Variants in DAPL1 observed in about 807,000 individuals in gnomAD.
DAPL1 encodes death-associated protein-like 1.
In DAPL1, 17 loss-of-function variants were observed where a neutral mutation model predicts 12.9. The observed-to-expected ratio is 1.32, with a 90% CI of 0.90 to 1.98. The LOEUF (loss-of-function observed/expected upper bound fraction) is 1.98, where lower values mean the gene tolerates loss of function less well. Among genes scored for constraint, DAPL1 ranks in the 30% most tolerant of loss-of-function variants. DAPL1 has a pLI of 0.00. For missense variants in DAPL1, 157 were observed against 125.7 expected (o/e 1.25, Z -1.19); for synonymous variants, 51 against 42.0 (o/e 1.21, Z -0.82).
Position 158,800,176 on chromosome 2 carries a change from TATA to T in DAPL1, c.59-4101_59-4099del, listed in dbSNP as rs753202631. ...AGAGGTAGATGAAAAGAGTTGAAAT[TATA>T]ATAAGGACTTTATAATAAACATAAT... On this transcript the variant is annotated intron_variant, in intron 1 of 3. Transcript: ENST00000309950. Among the ~76,000 whole-genome samples the T allele has an allele frequency of 7.9e-5, 12 of 152,286 alleles. No individual in the cohort carries two copies. The East Asian group carries it at 2.3e-3, about 29-fold the overall frequency.
intron 1 of DAPL1, 123 bp downstream of exon 1, chr2:158,795,553 T>C: frequency 1.1e-6 from 1 of 901,620 alleles, no homozygotes. Context: ...TTTAACTCCA[T>C]GCAGCCTGAC....
chr2:158,808,404 G>A (rs1323726205), intron 3 of DAPL1, among the ~76,000 whole-genome samples: 2 of 152,306 alleles, frequency 1.3e-5, no homozygotes, highest in Admixed American at 6.5e-5. Context: ...GAGACAATGA[G>A]CTCACATACA....
intron 1 of DAPL1, among the ~76,000 whole-genome samples, chr2:158,799,793 A>G (rs533843902): frequency 5.3e-4 from 80 of 152,286 alleles, no homozygotes; most frequent in African/African-American, 1.9e-3. Context: ...CAGCCCTATG[A>G]CAGAGACGAT....
At chr2:158,804,903 A>G (rs2059191960) in intron 2 of DAPL1, among the ~76,000 whole-genome samples, 1 of 152,210 alleles carries the variant, frequency 6.6e-6, no homozygotes, top group Non-Finnish European at 1.5e-5. Flanking sequence ...CCACCATAAC[A>G]TTGACGCCTG....
chr2:158,797,927 C>T (rs535081957), intron 1 of DAPL1, among the ~76,000 whole-genome samples: 3 of 152,290 alleles, frequency 2.0e-5, no homozygotes, highest in South Asian at 4.1e-4. Flanking sequence ...TACATTTATG[C>T]TGTGAAATGA....
At chr2:158,797,511 G>T (rs1158739724) in intron 1 of DAPL1, among the ~76,000 whole-genome samples, 3 of 152,188 alleles carry the variant, frequency 2.0e-5, no homozygotes, top group African/African-American at 7.2e-5. Context: ...AAATCACTCA[G>T]CTGGGTACAG....
Position 158,815,771 on chromosome 2 carries a change from G to A in DAPL1, c.274G>A (p.Val92Ile), listed in dbSNP as rs758941180. ...AAAACCCACACCTGCTCTGGAAAAG[G>A]TTGTTCCACTGAAAAGGATCTACAT... is the stretch of plus-strand genomic sequence containing the variant. ...HQKPTPALEK[V>I]VPLKRIYIIQ... Residue 92 changes from valine (V) to isoleucine (I), a missense_variant, in exon 4 of 4, where the codon GTT becomes ATT. Coordinates refer to ENST00000309950, the MANE Select transcript of DAPL1 (RefSeq NM_001017920.3). 6.2e-7 allele frequency: 1 copy of A among 1,614,076 alleles called. No homozygotes were observed. The highest frequency in any genetic ancestry group is 2.2e-5 in the East Asian group (1 of 44,890).
intron 1 of DAPL1, among the ~76,000 whole-genome samples, chr2:158,798,795 A>G (rs2059149592): frequency 6.6e-6 from 1 of 152,098 alleles, no homozygotes. Context: ...TTAACTGTGA[A>G]TGCAAAGTGA....
At chr2:158,807,006 G>C in intron 2 of DAPL1, 49 bp from the exon 3 acceptor site, 1 of 1,483,322 alleles carries the variant, frequency 6.7e-7, no homozygotes, top group Non-Finnish European at 9.4e-7. Context: ...GGCCTTTTCA[G>C]TGGGAAAATT....
intron 1 of DAPL1, among the ~76,000 whole-genome samples, chr2:158,801,747 A>G (rs893851772): frequency 4.6e-5 from 7 of 152,312 alleles, no homozygotes; most frequent in South Asian, 4.1e-4. Context: ...TCTTAGTGAT[A>G]CAAAACCCAT....
At chr2:158,808,116 T>A (rs1053188493) in intron 3 of DAPL1, among the ~76,000 whole-genome samples, 1 of 152,210 alleles carries the variant, frequency 6.6e-6, no homozygotes. Context: ...CAAGGTAATA[T>A]AGAGCCACTC....
Position 158,803,231 on chromosome 2 carries a change from G to T in DAPL1, c.59-1051G>T, listed in dbSNP as rs568457210. Among the ~76,000 whole-genome samples, 6 of 152,294 alleles carry T rather than the reference G, an allele frequency of 3.9e-5. No homozygotes were observed. In the South Asian group the frequency reaches 1.2e-3, roughly 32 times the overall value. Reference sequence around the variant, plus strand: ...TCTAGGAAGTTGGAAAATAATTGTAGGAGGGAGACTGCAGACCTTTTTATG... The same window carrying T: ...TCTAGGAAGTTGGAAAATAATTGTATGAGGGAGACTGCAGACCTTTTTATG... On this transcript the variant is annotated intron_variant, in intron 1 of 3. Coordinates refer to ENST00000309950, the MANE Select transcript of DAPL1 (RefSeq NM_001017920.3).
Position 158,804,216 on chromosome 2 carries a change from C to G in DAPL1, c.59-66C>G. 5.6e-6 allele frequency: 6 copies of G among 1,078,790 alleles called. No individual in the cohort carries two copies. The South Asian group carries it at 9.4e-5, about 17-fold the overall frequency. The allele number at this position is 1,078,790 out of a possible 1,614,324, so 66.8% of individuals were successfully genotyped here. A position where few individuals can be genotyped will look rare whatever the true frequency, so the allele number is the denominator to read the frequency against. ...ATTATTTTCAAATCTAAAGTCATAC[C>G]TTTAATAACAAAGCAAGCCTTCTCT... On this transcript the variant is annotated intron_variant, in intron 1 of 3. Transcript: ENST00000309950.
At chr2:158,799,532 C>A (rs2059153930) in intron 1 of DAPL1, among the ~76,000 whole-genome samples, 1 of 151,894 alleles carries the variant, frequency 6.6e-6, no homozygotes. Context: ...GATCAGTGTT[C>A]CCAGCAGAGA....
intron 3 of DAPL1, among the ~76,000 whole-genome samples, chr2:158,810,223 C>T (rs1451570505): frequency 6.6e-6 from 1 of 152,146 alleles, no homozygotes; most frequent in African/African-American, 2.4e-5. Flanking sequence ...TACAGACATA[C>T]AGGTATCTTT....
At chr2:158,802,885 T>C (rs1162604109) in intron 1 of DAPL1, among the ~76,000 whole-genome samples, 3 of 152,228 alleles carry the variant, frequency 2.0e-5, no homozygotes, top group Admixed American at 6.5e-5. Context: ...TTGTTTGTGA[T>C]AGCAGTAGAT....
At position 158,815,808 on chromosome 2, in the gene DAPL1, C is replaced by T. The variant is rs1413276306; in HGVS notation, c.311C>T (p.Pro104Leu). Reference sequence around the variant, plus strand: ...AAAAGGATCTACATTATTCAGCAGCCTCGAAAATGTTAAGCCTGGATTTAA... The same window carrying T: ...AAAAGGATCTACATTATTCAGCAGCTTCGAAAATGTTAAGCCTGGATTTAA... The part of the protein sequence containing the change: ...PLKRIYIIQQ[P>L]RKC Residue 104 changes from proline to leucine, a missense_variant, in exon 4 of 4, where the codon CCT becomes CTT. Coordinates refer to ENST00000309950, the MANE Select transcript of DAPL1 (RefSeq NM_001017920.3). 5 of 1,611,382 alleles carry T rather than the reference C, an allele frequency of 3.1e-6. No individual in the cohort carries two copies. The Admixed American group carries it at 6.7e-5, about 21-fold the overall frequency.
rs138581432 is a variant in DAPL1, at chr2:158,795,385, G to A, written c.13G>A (p.Val5Met). 1.3e-4 allele frequency: 202 copies of A among 1,555,676 alleles called. 1 individual carries two copies. The highest frequency in any genetic ancestry group is 1.7e-4 in the Non-Finnish European group (195 of 1,149,330). The change falls in exon 1 of 4, where the codon GTG becomes ATG. Residue 5 changes from valine (V) to methionine (M), a missense_variant. Val to Met is a conservative substitution (Grantham distance 21). Transcript: ENST00000309950. MANE[V>M]QDLLSPRKGG... Reference sequence around the variant, plus strand: ...ACTGGCACACGCTATGGCAAATGAAGTGCAAGACCTGCTCTCCCCTCGGAA... The same window carrying A: ...ACTGGCACACGCTATGGCAAATGAAATGCAAGACCTGCTCTCCCCTCGGAA...
In DAPL1 at chr2:158,807,040, T is replaced by C. The variant is rs756640443; in HGVS notation, c.147-15T>C. 1 of 1,611,814 alleles carries C rather than the reference T, an allele frequency of 6.2e-7. No homozygotes were observed. The highest frequency in any genetic ancestry group is 8.5e-7 in the Non-Finnish European group (1 of 1,178,274). Reference sequence around the variant, plus strand: ...TTTTTTAAGTCCTGTTCAAAGTTTCTTTTCATCTTCACAGTGCCATTGCAA... The same window carrying C: ...TTTTTTAAGTCCTGTTCAAAGTTTCCTTTCATCTTCACAGTGCCATTGCAA... On this transcript the variant is annotated splice_polypyrimidine_tract_variant and intron_variant, in intron 2 of 3. Transcript: ENST00000309950.
Sources: allele counts gnomAD v4.1 joint callset (sites outside exome capture counted in the v4.1 genomes callset), GRCh38; gene constraint gnomAD v4.1.1; transcripts MANE v1.5; gene names NCBI Gene and HGNC (gene_info 2026-07-23, HGNC 2026-07-21).